The following VWC2L variants were observed in gnomAD, a reference collection of about 807,000 sequenced individuals.
VWC2L encodes the protein von Willebrand factor C domain containing 2 like.
VWC2L carries 10 observed loss-of-function variants against 21.6 expected under a neutral mutation model. The observed-to-expected ratio is 0.46, with a 90% confidence interval of 0.29 to 0.78. The LOEUF (loss-of-function observed/expected upper bound fraction) is 0.78, where lower values mean the gene tolerates loss of function less well. Among genes scored for constraint, VWC2L ranks in the 30% least tolerant of loss-of-function variants. The probability of loss-of-function intolerance (pLI) is 0.10; values close to 1 mark genes in which losing one functional copy is unlikely to be tolerated. For missense variants in VWC2L, 209 were observed against 277.1 expected, an observed-to-expected ratio of 0.75 and a Z score of 1.74; for synonymous variants, 96 against 94.3, an observed-to-expected ratio of 1.02 and a Z score of -0.10.
At chr2:214,477,223 CTG>C (rs1025974800) in intron 3 of VWC2L, among the ~76,000 whole-genome samples, 4 of 152,194 alleles carry the variant, frequency 2.6e-5, no homozygotes, top group African/African-American at 9.7e-5. Flanking sequence ...CCTGATAGGG[CTG>C]TGAGCTGAGT....
At chr2:214,470,425 G>T (rs575944621) in intron 3 of VWC2L, among the ~76,000 whole-genome samples, 1 of 152,204 alleles carries the variant, frequency 6.6e-6, no homozygotes, top group African/African-American at 2.4e-5. Context: ...TGTACATTTT[G>T]ACAAGTATTT....
chr2:214,474,856 AG>A (rs747051878), intron 3 of VWC2L, among the ~76,000 whole-genome samples: 92 of 152,288 alleles, frequency 6.0e-4, no homozygotes, highest in Non-Finnish European at 1.1e-3. Context: ...TTATCAGGGA[AG>A]GGTTTTTGAT....
At chr2:214,485,965 C>T (rs746616593) in intron 3 of VWC2L, among the ~76,000 whole-genome samples, 64 of 151,976 alleles carry the variant, frequency 4.2e-4, no homozygotes, top group Non-Finnish European at 7.4e-4. Context: ...CAGACATAAA[C>T]CCTTGACCCC....
intron 3 of VWC2L, among the ~76,000 whole-genome samples, chr2:214,499,006 ATTCTTTTTTTTT>A (rs1190165393): frequency 9.1e-6 from 1 of 110,272 alleles, no homozygotes; most frequent in Non-Finnish European, 1.8e-5. Context: ...ATATCGTACC[ATTCTTTTTTTTT>A]TTTTTTTTTT....
intron 3 of VWC2L, among the ~76,000 whole-genome samples, chr2:214,541,353 C>T (rs1689623761): frequency 2.0e-5 from 3 of 152,088 alleles, no homozygotes; most frequent in African/African-American, 2.4e-5. Context: ...GGCTGAAACA[C>T]TAGACATATG....
In VWC2L at chr2:214,551,092, T is replaced by C. The variant is rs1196090028; in HGVS notation, c.521-24580T>C. Among the ~76,000 whole-genome samples, 10 of 152,254 alleles carry C rather than the reference T, an allele frequency of 6.6e-5. No individual in the cohort carries two copies. In the East Asian group the frequency reaches 1.9e-3, roughly 29 times the overall value. ...TACAGTCTCTTGGAAGGAATAAAAC[T>C]GTTGAACTATGTTTTAAAAGAAAAA... On this transcript the variant is annotated intron_variant, in intron 3 of 3. Coordinates refer to ENST00000312504, the MANE Select transcript of VWC2L (RefSeq NM_001080500.4).
chr2:214,567,324 T>C (rs1359547395), intron 3 of VWC2L, among the ~76,000 whole-genome samples: 1 of 152,054 alleles, frequency 6.6e-6, no homozygotes, highest in Non-Finnish European at 1.5e-5. Context: ...GAGCAGGGTA[T>C]CTAGTACTGA....
At chr2:214,545,788 G>T (rs1049582882) in intron 3 of VWC2L, among the ~76,000 whole-genome samples, 25 of 152,048 alleles carry the variant, frequency 1.6e-4, no homozygotes, top group Non-Finnish European at 2.9e-4. Context: ...CCAACAATCT[G>T]GCCACAGAGG....
At chr2:214,432,187 G>T (rs1332068916) in intron 2 of VWC2L, among the ~76,000 whole-genome samples, 4 of 152,292 alleles carry the variant, frequency 2.6e-5, no homozygotes, top group Admixed American at 6.5e-5. Context: ...ATACATAAAT[G>T]ATTATGCATT....
chr2:214,459,024 A>G (rs1703095313), intron 3 of VWC2L, among the ~76,000 whole-genome samples: 1 of 152,144 alleles, frequency 6.6e-6, no homozygotes, highest in Non-Finnish European at 1.5e-5. Flanking sequence ...TGAAGTCCCT[A>G]ACAATTATTG....
rs181278389 is a variant in VWC2L, at chr2:214,459,933, G to A, written c.520+23175G>A. ...TTTTTTTTTTTTTTTTTGAGATGGA[G>A]TTTCACTCTTGTCACCCAGGCTGGA... On this transcript the variant is annotated intron_variant, in intron 3 of 3. Transcript: ENST00000312504. 1.5e-4 allele frequency among the ~76,000 whole-genome samples: 17 copies of A among 114,682 alleles called. No homozygotes were observed. The East Asian group carries it at 4.7e-3, about 32-fold the overall frequency. 75.2% of individuals were successfully genotyped at this position (114,682 alleles called of 152,430 possible).
chr2:214,453,751 C>T (rs1044925745), intron 3 of VWC2L, among the ~76,000 whole-genome samples: 10 of 142,494 alleles, frequency 7.0e-5, no homozygotes, highest in Middle Eastern at 3.9e-3. Flanking sequence ...GATGGAGTCT[C>T]GCTCTGTTGC....
intron 3 of VWC2L, among the ~76,000 whole-genome samples, chr2:214,516,888 T>G (rs1689152784): frequency 6.6e-6 from 1 of 152,094 alleles, no homozygotes; most frequent in Non-Finnish European, 1.5e-5. Flanking sequence ...AAAAGAAAAA[T>G]AATATCTTCC....
intron 2 of VWC2L, among the ~76,000 whole-genome samples, chr2:214,418,856 C>G (rs1470514436): frequency 6.6e-6 from 1 of 152,136 alleles, no homozygotes; most frequent in Admixed American, 6.6e-5. Flanking sequence ...ATAAGACTGC[C>G]TATTTTCGTC....
intron 3 of VWC2L, among the ~76,000 whole-genome samples, chr2:214,543,956 T>C (rs1045971705): frequency 6.6e-6 from 1 of 152,220 alleles, no homozygotes; most frequent in African/African-American, 2.4e-5. Flanking sequence ...CAGAAGGATC[T>C]ATAGCGCTTT....
chr2:214,575,940 A>T lies in VWC2L; in HGVS notation c.*120A>T. 8.4e-7 allele frequency: 1 copy of T among 1,195,984 alleles called. No homozygotes were observed. Among genetic ancestry groups the T allele is most frequent in the Non-Finnish European group, 1.2e-6 (1 of 863,336 alleles). The allele number at this position is 1,195,984 out of a possible 1,614,324, so 74.1% of individuals were successfully genotyped here. A position where few individuals can be genotyped will look rare whatever the true frequency, so the allele number is the denominator to read the frequency against. On this transcript the variant is annotated 3_prime_UTR_variant, in exon 4 of 4. Transcript: ENST00000312504. ...CCAGCTACAACAGGGTCACCAGCAA[A>T]ACTTTCTAGGGTTGACAAAAGTGAA...
chr2:214,528,138 G>A (rs564908616), intron 3 of VWC2L, among the ~76,000 whole-genome samples: 1 of 152,118 alleles, frequency 6.6e-6, no homozygotes. Context: ...CAGAAAATGA[G>A]ACTGCTTTAT....
intron 3 of VWC2L, among the ~76,000 whole-genome samples, chr2:214,527,421 G>T (rs114925677): frequency 0.01 from 1,526 of 152,184 alleles, 24 homozygotes; most frequent in African/African-American, 0.035. Context: ...AAAAGAAGAA[G>T]AAAACCATCT....
At chr2:214,535,663 A>T (rs1378190800) in intron 3 of VWC2L, among the ~76,000 whole-genome samples, 5 of 152,090 alleles carry the variant, frequency 3.3e-5, no homozygotes, top group Non-Finnish European at 7.4e-5. Context: ...AATTTCAAGT[A>T]TTGGGTATTG....
Sources: allele counts gnomAD v4.1 joint callset (sites outside exome capture counted in the v4.1 genomes callset), GRCh38; gene constraint gnomAD v4.1.1; transcripts MANE v1.5; gene names NCBI Gene and HGNC (gene_info 2026-07-23, HGNC 2026-07-21).